The following ABCB5 variants were observed in gnomAD, a reference collection of about 807,000 sequenced individuals.
ABCB5 encodes the protein ATP binding cassette subfamily B member 5.
In ABCB5, 155 loss-of-function variants were observed where a neutral mutation model predicts 144.2. The observed-to-expected ratio is 1.08, with a 90% CI of 0.94 to 1.23. The LOEUF (loss-of-function observed/expected upper bound fraction) is 1.23, where lower values mean the gene tolerates loss of function less well. Ranked by LOEUF, ABCB5 falls within the 50% of genes most tolerant of loss-of-function variation. The pLI, the probability that ABCB5 is intolerant of heterozygous loss-of-function variation, is 0.00. For synonymous variants in ABCB5, 610 were observed against 528.6 expected, an observed-to-expected ratio of 1.15 and a Z score of -2.11; for missense variants, 1,830 against 1,520.8, an observed-to-expected ratio of 1.20 and a Z score of -3.38.
intron 20 of ABCB5, among the ~76,000 whole-genome samples, chr7:20,721,902 T>C (rs1781880610): frequency 6.6e-6 from 1 of 152,226 alleles, no homozygotes; most frequent in African/African-American, 2.4e-5. Context: ...ATGTAAAACC[T>C]TCTAAAAGAA....
At chr7:20,746,171 C>T (rs1777411178) in intron 26 of ABCB5, among the ~76,000 whole-genome samples, 1 of 152,064 alleles carries the variant, frequency 6.6e-6, no homozygotes, top group South Asian at 2.1e-4. Context: ...GCAATCTCAG[C>T]TCACTCAGCT....
chr7:20,719,803 T>G (rs57055940), intron 20 of ABCB5, among the ~76,000 whole-genome samples: 3,497 of 152,206 alleles, frequency 0.023, 128 homozygotes, highest in African/African-American at 0.08. Context: ...TGAAGAGGGG[T>G]ATAACAAATA....
At chr7:20,722,753 C>T (rs1288707291) in intron 20 of ABCB5, among the ~76,000 whole-genome samples, 1 of 151,748 alleles carries the variant, frequency 6.6e-6, no homozygotes, top group East Asian at 1.9e-4. Flanking sequence ...ACCCAGGAGT[C>T]GGAGGTTGCA....
chr7:20,680,276 G>C (rs930058222), intron 14 of ABCB5, among the ~76,000 whole-genome samples: 2 of 152,066 alleles, frequency 1.3e-5, no homozygotes, highest in East Asian at 3.9e-4. Context: ...AGAGTGACTT[G>C]AGGCCGAGCG....
chr7:20,688,732 A>G (rs1422596931), intron 16 of ABCB5, among the ~76,000 whole-genome samples: 7 of 152,234 alleles, frequency 4.6e-5, no homozygotes, highest in African/African-American at 1.4e-4. Context: ...ATGCCCATCA[A>G]TGATAGACTG....
intron 4 of ABCB5, 80 bp downstream of exon 4, chr7:20,628,918 C>A: frequency 1.4e-6 from 2 of 1,455,260 alleles, no homozygotes; most frequent in Non-Finnish European, 1.9e-6. Context: ...GCTAGCAAGG[C>A]AGATTATTGT....
intron 5 of ABCB5, among the ~76,000 whole-genome samples, chr7:20,635,974 CAT>C (rs1227228728): frequency 6.6e-6 from 1 of 152,112 alleles, no homozygotes; most frequent in Non-Finnish European, 1.5e-5. Context: ...TTCTCAATCA[CAT>C]GTCAAGCATT....
Position 20,704,768 on chromosome 7 carries a change from GACA to G in ABCB5, c.2387_2389del (p.Thr796del). ...AAAAGGAAAACAGCACAGGAGGCTT[GACA>G]ACAATATTAGCCATAGATATAGCAC... On this transcript the variant is annotated inframe_deletion, in exon 20 of 28. Transcript: ENST00000404938. 1 of 1,613,744 alleles carries G rather than the reference GACA, an allele frequency of 6.2e-7. No individual in the cohort carries two copies. Among genetic ancestry groups the G allele is most frequent in the Non-Finnish European group, 8.5e-7 (1 of 1,179,832 alleles).
At position 20,704,124 on chromosome 7, in the gene ABCB5, G is replaced by A. The variant is rs145207197; in HGVS notation, c.2338-600G>A. On this transcript the variant is annotated intron_variant, in intron 19 of 27. Coordinates refer to ENST00000404938, the MANE Select transcript of ABCB5 (RefSeq NM_001163941.2). ...AGGGTCTCACTCTGGCATCCGAGCT[G>A]GAGTGCAGTGGTGTAATCTCAGCTC... Among the ~76,000 whole-genome samples the A allele has an allele frequency of 5.4e-3, 628 of 115,380 alleles. 4 individuals are homozygous for A. The highest frequency in any genetic ancestry group is 8.6e-3 in the Non-Finnish European group (531 of 61,646). 75.7% of individuals were successfully genotyped at this position (115,380 alleles called of 152,430 possible).
chr7:20,742,789 A>AT, intron 24 of ABCB5, 88 bp from the exon 25 acceptor site: 1 of 1,335,052 alleles, frequency 7.5e-7, no homozygotes, highest in Non-Finnish European at 1.1e-6. Flanking sequence ...AACATGCACA[A>AT]TTTTCAAAAT....
In ABCB5 at chr7:20,709,789, G is replaced by A. The variant is rs377700873; in HGVS notation, c.2421+4982G>A. 1.0e-4 allele frequency among the ~76,000 whole-genome samples: 15 copies of A among 149,838 alleles called. No individual in the cohort carries two copies. In the South Asian group the frequency reaches 2.4e-3, roughly 24 times the overall value. On this transcript the variant is annotated intron_variant, in intron 20 of 27. Coordinates refer to ENST00000404938, the MANE Select transcript of ABCB5 (RefSeq NM_001163941.2). ...GGTAAACATGACAGTCAGCCAGTTC[G>A]TTAAGATAAGGCTGGGCAAGGTGGC...
At chr7:20,650,569 CT>C (rs71020652) in intron 12 of ABCB5, among the ~76,000 whole-genome samples, 2,562 of 146,924 alleles carry the variant, frequency 0.017, 22 homozygotes, top group Non-Finnish European at 0.022. Flanking sequence ...TTTTCTTTTC[CT>C]TTTTTTTTTT....
At chr7:20,697,529 G>A (rs537721818) in intron 16 of ABCB5, among the ~76,000 whole-genome samples, 21 of 152,304 alleles carry the variant, frequency 1.4e-4, no homozygotes, top group African/African-American at 5.1e-4. Flanking sequence ...CAAGAGCCAA[G>A]AGAGATCGTT....
At chr7:20,708,100 G>T (rs978058602) in intron 20 of ABCB5, among the ~76,000 whole-genome samples, 2 of 152,018 alleles carry the variant, frequency 1.3e-5, no homozygotes, top group Non-Finnish European at 2.9e-5. Context: ...CACCGCGCCC[G>T]GCGGTAACCT....
chr7:20,657,153 C>T (rs139272507), intron 13 of ABCB5, among the ~76,000 whole-genome samples: 2,416 of 152,146 alleles, frequency 0.016, 73 homozygotes, highest in African/African-American at 0.056. Context: ...AACCAATCCA[C>T]CCACCACAAC....
chr7:20,626,674 TA>T (rs1783916529), intron 3 of ABCB5, 63 bp downstream of exon 3: 25 of 1,331,836 alleles, frequency 1.9e-5, no homozygotes, highest in Non-Finnish European at 1.0e-6. Flanking sequence ...CAGTAGTGCA[TA>T]GAAGATTGTG....
intron 3 of ABCB5, among the ~76,000 whole-genome samples, chr7:20,627,527 A>G (rs1348659403): frequency 6.6e-6 from 1 of 152,178 alleles, no homozygotes; most frequent in African/African-American, 2.4e-5. Flanking sequence ...TCTCGGTAAT[A>G]TAAACAATCC....
chr7:20,687,930 G>A (rs1231794207), intron 16 of ABCB5, among the ~76,000 whole-genome samples: 10 of 152,144 alleles, frequency 6.6e-5, no homozygotes, highest in South Asian at 4.2e-4. Flanking sequence ...AGTGGTTCAC[G>A]CCTATAATCC....
intron 10 of ABCB5, 80 bp from the exon 11 acceptor site, chr7:20,647,888 A>G (rs1784457399): frequency 5.4e-6 from 6 of 1,109,890 alleles, no homozygotes; most frequent in African/African-American, 4.7e-5. Flanking sequence ...GAAGAAAACC[A>G]TCCTTATACT....
Sources: gnomAD v4.1 joint callset for allele counts (sites outside exome capture counted in the v4.1 genomes callset) on GRCh38, gnomAD v4.1.1 for gene constraint, MANE v1.5 for transcripts, NCBI Gene and HGNC (gene_info 2026-07-23, HGNC 2026-07-21) for gene names.